The following TSN variants were observed in gnomAD, a reference collection of about 807,000 sequenced individuals.
TSN encodes the protein translin, also known as component 3 of promoter of RISC.
A neutral mutation model predicts 29.4 loss-of-function variants in TSN; 5 were observed. That is an observed-to-expected ratio of 0.17 (90% confidence interval 0.09 to 0.36). TSN has a LOEUF of 0.36. Ranked by LOEUF, TSN falls within the 10% of genes least tolerant of loss-of-function variation. The pLI is 1.00. For missense variants in TSN, 159 were observed against 272.8 expected, an observed-to-expected ratio of 0.58 and a Z score of 2.94; for synonymous variants, 106 against 102.2, an observed-to-expected ratio of 1.04 and a Z score of -0.23.
intron 2 of TSN, 122 bp downstream of exon 2, chr2:121,757,455 T>A: frequency 6.5e-7 from 1 of 1,542,368 alleles, no homozygotes. Context: ...ATTGAAGAAG[T>A]AGGTGATTTG....
chr2:121,758,061 G>T (rs1395350262), intron 2 of TSN, among the ~76,000 whole-genome samples: 1 of 152,008 alleles, frequency 6.6e-6, no homozygotes, highest in South Asian at 2.1e-4. Context: ...ATGCACCTGT[G>T]TGTATTTGAA....
At chr2:121,762,906 C>A in intron 4 of TSN, 99 bp from the exon 5 acceptor site, 1 of 1,106,842 alleles carries the variant, frequency 9.0e-7, no homozygotes, top group Non-Finnish European at 1.3e-6. Flanking sequence ...AAAGATTCAT[C>A]CTTTCTTCAC....
Position 121,755,654 on chromosome 2 carries a change from C to T in TSN, c.-126C>T. ...AGCCTCGGAGGACCCTAGCGACGGT[C>T]GTGGCGTAAGACCGGGGGGACGCGG... On this transcript the variant is annotated 5_prime_UTR_variant, in exon 1 of 6. Transcript: ENST00000389682. 1 of 1,310,998 alleles carries T rather than the reference C, an allele frequency of 7.6e-7. No homozygotes were observed. 81.2% of individuals were successfully genotyped at this position (1,310,998 alleles called of 1,614,324 possible).
intron 1 of TSN, among the ~76,000 whole-genome samples, chr2:121,757,037 A>G (rs1318263734): frequency 1.3e-5 from 2 of 152,176 alleles, no homozygotes; most frequent in Admixed American, 1.3e-4. Context: ...CTTGGGTTTA[A>G]TGGGTGGCTA....
rs946433563 is a variant in TSN at position 121,766,164 on chromosome 2, A to G, written c.*797A>G. The G allele has an allele frequency of 4.6e-5, 7 of 152,266 alleles. No individual in the cohort carries two copies. Among genetic ancestry groups the G allele is most frequent in the African/African-American group, 1.7e-4 (7 of 41,470 alleles). The allele number at this position is 152,266 out of a possible 1,614,324, so 9.4% of individuals were successfully genotyped here. The stretch of plus-strand genomic sequence containing the variant: ...ACGTGATGTGATATATTCCTAAACT[A>G]TGAAACCTTTTTCCTAGTAGTCAGC... On this transcript the variant is annotated 3_prime_UTR_variant, in exon 6 of 6. Transcript: ENST00000389682.
At chr2:121,758,348 G>A (rs1467367185) in intron 2 of TSN, among the ~76,000 whole-genome samples, 1 of 152,162 alleles carries the variant, frequency 6.6e-6, no homozygotes, top group Non-Finnish European at 1.5e-5. Context: ...ACTTGGTAAA[G>A]GCTTTTTTCT....
chr2:121,763,138 T>G (rs1243734177), intron 5 of TSN, 54 bp downstream of exon 5: 6 of 282,420 alleles, frequency 2.1e-5, no homozygotes, highest in South Asian at 2.0e-4. Context: ...TCACTGTCAG[T>G]TTTTTTTTTT....
intron 2 of TSN, among the ~76,000 whole-genome samples, chr2:121,758,130 CAAATT>C (rs1171317242): frequency 1.3e-5 from 2 of 151,990 alleles, no homozygotes; most frequent in Non-Finnish European, 2.9e-5. Flanking sequence ...AAAATGTTCT[CAAATT>C]AATGTGTTTA....
Position 121,755,997 on chromosome 2 carries a change from C to T in TSN, c.66+152C>T, listed in dbSNP as rs1341216264. Reference sequence around the variant, plus strand: ...AGCTTTAGGTTAGGCACTCCCCGCCCCCGCCCAAAATTTTGCTGCTCTGTC... The same window carrying T: ...AGCTTTAGGTTAGGCACTCCCCGCCTCCGCCCAAAATTTTGCTGCTCTGTC... On this transcript the variant is annotated intron_variant, in intron 1 of 5. Transcript: ENST00000389682. 4.8e-6 allele frequency: 7 copies of T among 1,460,176 alleles called. No homozygotes were observed. The South Asian group carries it at 5.3e-5, about 11-fold the overall frequency. 90.5% of individuals were successfully genotyped at this position (1,460,176 alleles called of 1,614,324 possible).
intron 4 of TSN, among the ~76,000 whole-genome samples, chr2:121,762,489 G>C (rs1047637873): frequency 1.4e-4 from 21 of 152,304 alleles, no homozygotes; most frequent in East Asian, 1.9e-4. Context: ...ACCTGGAAAT[G>C]TAAAAGCTAA....
Position 121,767,847 on chromosome 2 carries a change from G to T in TSN, c.*2480G>T, listed in dbSNP as rs1558695679. On this transcript the variant is annotated 3_prime_UTR_variant, in exon 6 of 6. Coordinates refer to ENST00000389682, the MANE Select transcript of TSN (RefSeq NM_004622.3). ...TAAAGTTTGCTTGTTTCTTGGTCTG[G>T]ATTAAACTGTTTGTCCTCCTTTTCA... 2 of 152,004 alleles carry T rather than the reference G, an allele frequency of 1.3e-5. No individual in the cohort carries two copies. The highest frequency in any genetic ancestry group is 2.4e-5 in the African/African-American group (1 of 41,390). The allele number at this position is 152,004 out of a possible 1,614,324, so 9.4% of individuals were successfully genotyped here.
chr2:121,760,619 G>A (rs542742487), intron 3 of TSN, among the ~76,000 whole-genome samples: 2 of 152,208 alleles, frequency 1.3e-5, no homozygotes, highest in African/African-American at 4.8e-5. Flanking sequence ...CAGGCTTCTA[G>A]CTCAGTATTC....
chr2:121,762,450 A>G (rs558639503), intron 4 of TSN, among the ~76,000 whole-genome samples: 2 of 152,280 alleles, frequency 1.3e-5, no homozygotes, highest in Admixed American at 6.5e-5. Context: ...TTTTCTATCC[A>G]TAGTTGGTTA....
intron 4 of TSN, among the ~76,000 whole-genome samples, chr2:121,761,985 T>TA (rs2074836500): frequency 6.7e-6 from 1 of 150,070 alleles, no homozygotes; most frequent in Non-Finnish European, 1.5e-5. Context: ...GCCCAGCTAA[T>TA]TTTTTGTATT....
intron 3 of TSN, 27 bp downstream of exon 3, chr2:121,758,833 A>G: frequency 6.9e-7 from 1 of 1,444,618 alleles, no homozygotes; most frequent in Non-Finnish European, 9.3e-7. Flanking sequence ...GCATTATTTT[A>G]TAATGTTAAG....
At position 121,758,746 on chromosome 2, in the gene TSN, G is replaced by A. The variant is rs564173675; in HGVS notation, c.197G>A (p.Gly66Asp). Residue 66 changes from glycine (G) to aspartate (D), a missense_variant, in exon 3 of 6, where the codon GGT (glycine) becomes GAT (aspartate). By Grantham distance (94) the Gly-to-Asp change is moderately conservative. Coordinates refer to ENST00000389682, the MANE Select transcript of TSN (RefSeq NM_004622.3). ...TGTTTGAAAGCTCGAGAACATTTTG[G>A]TACAGTAAAAACACATCTAACATCT... ...KRCLKAREHF[G>D]TVKTHLTSLK... 1 of 1,587,314 alleles carries A rather than the reference G, an allele frequency of 6.3e-7. No individual in the cohort carries two copies. The highest frequency in any genetic ancestry group is 8.6e-7 in the Non-Finnish European group (1 of 1,168,706).
intron 1 of TSN, 98 bp from the exon 2 acceptor site, chr2:121,757,142 T>C: frequency 8.9e-7 from 1 of 1,118,058 alleles, no homozygotes; most frequent in East Asian, 2.5e-5. Flanking sequence ...GATTCAAACT[T>C]GGTTATGATA....
intron 4 of TSN, 102 bp from the exon 5 acceptor site, chr2:121,762,899 GATTC>G (rs2074850689): frequency 9.4e-7 from 1 of 1,058,358 alleles, no homozygotes; most frequent in Non-Finnish European, 1.3e-6. Flanking sequence ...GTTTTTAAAA[GATTC>G]ATCCTTTCTT....
At chr2:121,756,950 C>T (rs185710293) in intron 1 of TSN, among the ~76,000 whole-genome samples, 56 of 151,970 alleles carry the variant, frequency 3.7e-4, no homozygotes, top group South Asian at 6.2e-4. Context: ...AAATACCCGA[C>T]TCTTGTGTTG....
Sources: allele counts gnomAD v4.1 joint callset (sites outside exome capture counted in the v4.1 genomes callset), GRCh38; gene constraint gnomAD v4.1.1; transcripts MANE v1.5; gene names NCBI Gene and HGNC (gene_info 2026-07-23, HGNC 2026-07-21).